UBE2G1: variants seen among roughly 807,000 people sequenced by gnomAD.
The protein encoded by UBE2G1 is ubiquitin conjugating enzyme E2 G1.
UBE2G1 carries 5 observed loss-of-function variants against 22.7 expected under a neutral mutation model. That is an observed-to-expected ratio of 0.22 (90% CI 0.12 to 0.46). The LOEUF (loss-of-function observed/expected upper bound fraction) is 0.46. Among genes scored for constraint, UBE2G1 ranks in the 20% least tolerant of loss-of-function variants. UBE2G1 has a pLI of 0.99. For synonymous variants in UBE2G1, 74 were observed against 67.5 expected, an observed-to-expected ratio of 1.10 and a Z score of -0.47; for missense variants, 88 against 203.9, an observed-to-expected ratio of 0.43 and a Z score of 3.46.
intron 1 of UBE2G1, among the ~76,000 whole-genome samples, chr17:4,309,297 GCTT>G (rs1216445903): frequency 2.0e-5 from 3 of 152,142 alleles, no homozygotes; most frequent in Non-Finnish European, 4.4e-5. Context: ...AACATGAAGT[GCTT>G]CTTTTCTTGA....
Position 4,290,726 on chromosome 17 carries a change from C to T in UBE2G1, c.248-1318G>A, listed in dbSNP as rs142466442. 2.7e-3 allele frequency among the ~76,000 whole-genome samples: 408 copies of T among 150,788 alleles called. 1 individual carries two copies. Among genetic ancestry groups the T allele is most frequent in the African/African-American group, 9.4e-3 (384 of 41,036 alleles). On this transcript the variant is annotated intron_variant, in intron 3 of 5. Coordinates refer to ENST00000396981, the MANE Select transcript of UBE2G1 (RefSeq NM_003342.5). Reference sequence around the variant, plus strand: ...AAACTCCTGGGCTCTAGTGATCCTCCCACCTCAGCCTCCCAAGTAGTTGGG... The same window carrying T: ...AAACTCCTGGGCTCTAGTGATCCTCTCACCTCAGCCTCCCAAGTAGTTGGG...
intron 2 of UBE2G1, among the ~76,000 whole-genome samples, chr17:4,305,213 C>T (rs117501365): frequency 1.3e-5 from 2 of 152,232 alleles, no homozygotes; most frequent in East Asian, 1.9e-4. Flanking sequence ...ACCTCGGCCT[C>T]GTGAGCCACT....
chr17:4,287,560 AATAG>A (rs1046691292), intron 4 of UBE2G1, among the ~76,000 whole-genome samples: 6 of 152,172 alleles, frequency 3.9e-5, no homozygotes, highest in Admixed American at 2.0e-4. Flanking sequence ...TACTTGATTA[AATAG>A]ATAGTTTTCT....
At chr17:4,315,259 AT>A (rs1969352659) in intron 1 of UBE2G1, among the ~76,000 whole-genome samples, 1 of 152,192 alleles carries the variant, frequency 6.6e-6, no homozygotes, top group Non-Finnish European at 1.5e-5. Flanking sequence ...ATTATTGGGC[AT>A]TTAAAATTTT....
intron 2 of UBE2G1, among the ~76,000 whole-genome samples, chr17:4,297,945 T>C (rs1312156275): frequency 6.6e-6 from 1 of 152,226 alleles, no homozygotes; most frequent in East Asian, 1.9e-4. Context: ...TGAACAAATA[T>C]ACATTGATTA....
intron 1 of UBE2G1, chr17:4,335,412 G>A (rs1043938266): frequency 2.0e-5 from 3 of 152,092 alleles, no homozygotes; most frequent in African/African-American, 7.2e-5. Context: ...GTGTCTGCTG[G>A]GTATTAAGAG....
chr17:4,365,901 G>T (rs1470220978), intron 1 of UBE2G1, among the ~76,000 whole-genome samples: 2 of 152,104 alleles, frequency 1.3e-5, no homozygotes, highest in South Asian at 4.1e-4. Flanking sequence ...CGAAGGTCCG[G>T]CGGCCCCGGC....
chr17:4,324,200 C>T (rs935216800), intron 1 of UBE2G1, among the ~76,000 whole-genome samples: 1 of 152,192 alleles, frequency 6.6e-6, no homozygotes, highest in South Asian at 2.1e-4. Context: ...GCCCCTCCCC[C>T]AAAATGTTTA....
At chr17:4,346,106 TAC>T (rs1432746592) in intron 1 of UBE2G1, among the ~76,000 whole-genome samples, 4 of 152,188 alleles carry the variant, frequency 2.6e-5, no homozygotes, top group African/African-American at 7.2e-5. Flanking sequence ...AACCTTAAAA[TAC>T]AGTCTGATTT....
At chr17:4,292,478 T>C (rs1567516440) in intron 3 of UBE2G1, among the ~76,000 whole-genome samples, 1 of 152,200 alleles carries the variant, frequency 6.6e-6, no homozygotes, top group Admixed American at 6.5e-5. Flanking sequence ...TACTCAGGTA[T>C]TCCTTTATTC....
At chr17:4,289,164 C>G (rs1187773229) in intron 4 of UBE2G1, 66 bp downstream of exon 4, 2 of 1,394,912 alleles carry the variant, frequency 1.4e-6, no homozygotes, top group African/African-American at 2.9e-5. Context: ...TACATACATA[C>G]TAACTATAGT....
chr17:4,346,016 G>A (rs1969766683), intron 1 of UBE2G1, among the ~76,000 whole-genome samples: 2 of 152,186 alleles, frequency 1.3e-5, no homozygotes, highest in South Asian at 4.1e-4. Flanking sequence ...ATTACTAATA[G>A]GATTCTAGCA....
At chr17:4,341,165 T>C (rs1423868253) in intron 1 of UBE2G1, among the ~76,000 whole-genome samples, 5 of 152,098 alleles carry the variant, frequency 3.3e-5, no homozygotes, top group Non-Finnish European at 7.3e-5. Flanking sequence ...AAGCTGGTCA[T>C]GCAAATCACA....
intron 1 of UBE2G1, among the ~76,000 whole-genome samples, chr17:4,321,618 G>A (rs1969439372): frequency 6.6e-6 from 1 of 152,006 alleles, no homozygotes; most frequent in African/African-American, 2.4e-5. Flanking sequence ...TCAGCCTCCT[G>A]AGTAGCTGGG....
intron 2 of UBE2G1, among the ~76,000 whole-genome samples, 177 bp downstream of exon 2, chr17:4,306,844 G>A (rs1969254102): frequency 6.6e-6 from 1 of 152,046 alleles, no homozygotes; most frequent in Non-Finnish European, 1.5e-5. Flanking sequence ...TAGAGATGGG[G>A]TTTCACTACA....
At chr17:4,313,351 C>T (rs542652632) in intron 1 of UBE2G1, among the ~76,000 whole-genome samples, 1 of 152,260 alleles carries the variant, frequency 6.6e-6, no homozygotes, top group Admixed American at 6.5e-5. Flanking sequence ...ATTCCTAATA[C>T]AAACAGAGCT....
chr17:4,349,842 C>CA (rs11410197), intron 1 of UBE2G1, among the ~76,000 whole-genome samples: 63,542 of 132,776 alleles, frequency 0.48, 16,603 homozygotes, highest in African/African-American at 0.77. Context: ...GATTCCGTCT[C>CA]AAAAAAAAAA....
chr17:4,307,118 T>G lies in UBE2G1; in HGVS notation c.52A>C (p.Asn18His). Reference protein sequence around the residue: ...LLLRRQLAELNKNPVEGFSAG... With the variant: ...LLLRRQLAELHKNPVEGFSAG... ...GAAAAGCCTTCCACTGGATTTTTGT[T>G]GAGTTCTGTGGAAAAAGAAAAGTTT... The change falls in exon 2 of 6, where the codon AAC (asparagine) becomes CAC (histidine). Residue 18 changes from asparagine (N) to histidine (H), a missense_variant. Coordinates refer to ENST00000396981, the MANE Select transcript of UBE2G1 (RefSeq NM_003342.5). 6.2e-7 allele frequency: 1 copy of G among 1,613,758 alleles called. No individual in the cohort carries two copies. Among genetic ancestry groups the G allele is most frequent in the Non-Finnish European group, 8.5e-7 (1 of 1,179,754 alleles).
intron 1 of UBE2G1, 56 bp downstream of exon 1, chr17:4,366,215 G>A: frequency 6.7e-7 from 1 of 1,489,312 alleles, no homozygotes; most frequent in African/African-American, 1.4e-5. Flanking sequence ...GAGGGACTGG[G>A]CTGCGGCTGT....
Sources: allele counts gnomAD v4.1 joint callset (sites outside exome capture counted in the v4.1 genomes callset), GRCh38; gene constraint gnomAD v4.1.1; transcripts MANE v1.5; gene names NCBI Gene and HGNC (gene_info 2026-07-23, HGNC 2026-07-21).